The following MAP4K4 variants were observed in gnomAD, a reference collection of about 807,000 sequenced individuals.
The protein encoded by MAP4K4 is HPK/GCK-like kinase HGK.
A neutral mutation model predicts 189.6 loss-of-function variants in MAP4K4; 38 were observed. That is an observed-to-expected ratio of 0.20 (90% CI 0.15 to 0.26). MAP4K4 has a LOEUF of 0.26. MAP4K4 is among the 10% of genes least tolerant of loss of function. The pLI, the probability that MAP4K4 is intolerant of heterozygous loss-of-function variation, is 1.00. For synonymous variants in MAP4K4, 610 were observed against 624.3 expected, an observed-to-expected ratio of 0.98 and a Z score of 0.34; for missense variants, 1,054 against 1,726.9, an observed-to-expected ratio of 0.61 and a Z score of 6.91.
At chr2:101,701,326 G>C (rs2038573360) in intron 2 of MAP4K4, among the ~76,000 whole-genome samples, 1 of 152,118 alleles carries the variant, frequency 6.6e-6, no homozygotes, top group African/African-American at 2.4e-5. Flanking sequence ...CTGTGCTAAT[G>C]GTAGACCCCT....
chr2:101,812,703 A>G (rs1027047773), intron 3 of MAP4K4, among the ~76,000 whole-genome samples: 37 of 152,196 alleles, frequency 2.4e-4, no homozygotes, highest in African/African-American at 8.4e-4. Flanking sequence ...ATTGCCATAC[A>G]GTGTGCTTAT....
chr2:101,840,985 TAACTC>T (rs939132523), intron 10 of MAP4K4, among the ~76,000 whole-genome samples: 7 of 152,240 alleles, frequency 4.6e-5, no homozygotes, highest in African/African-American at 1.4e-4. Flanking sequence ...TTTTTTTCCT[TAACTC>T]AATTGACATG....
intron 3 of MAP4K4, among the ~76,000 whole-genome samples, chr2:101,811,820 C>T (rs1374444514): frequency 6.6e-6 from 1 of 152,120 alleles, no homozygotes; most frequent in Non-Finnish European, 1.5e-5. Flanking sequence ...TTTTGGGTAA[C>T]AGCAGATGGT....
At chr2:101,864,051 G>A (rs747760516) in exon 17 of MAP4K4, 4 of 1,352,826 alleles carry the variant, frequency 3.0e-6, no homozygotes. Flanking sequence ...TGCCTCCAAG[G>A]GTAAGGAGCA....
intron 3 of MAP4K4, among the ~76,000 whole-genome samples, chr2:101,818,364 G>C (rs1248428359): frequency 6.6e-6 from 1 of 152,154 alleles, no homozygotes; most frequent in African/African-American, 2.4e-5. Context: ...TTAACAGTCA[G>C]TCGCCTTTTT....
At chr2:101,717,187 G>A (rs959678738) in intron 2 of MAP4K4, among the ~76,000 whole-genome samples, 1 of 152,154 alleles carries the variant, frequency 6.6e-6, no homozygotes, top group Non-Finnish European at 1.5e-5. Context: ...CACTCTACCT[G>A]CTTTTCTTAG....
intron 3 of MAP4K4, among the ~76,000 whole-genome samples, chr2:101,814,851 G>A (rs1277315482): frequency 6.6e-6 from 1 of 152,190 alleles, no homozygotes; most frequent in Non-Finnish European, 1.5e-5. Flanking sequence ...AGAAGCGAAA[G>A]TGGAGGAGAC....
intron 2 of MAP4K4, among the ~76,000 whole-genome samples, chr2:101,777,454 C>T (rs537422416): frequency 2.6e-5 from 4 of 152,312 alleles, no homozygotes; most frequent in African/African-American, 9.6e-5. Flanking sequence ...TCGGTGCCGG[C>T]TCATGGTTTT....
chr2:101,875,106 C>T (rs2098162774), intron 26 of MAP4K4, among the ~76,000 whole-genome samples: 1 of 152,082 alleles, frequency 6.6e-6, no homozygotes. Flanking sequence ...AAAATAGAAC[C>T]TTTGAAATGG....
intron 1 of MAP4K4, 64 bp from the exon 2 acceptor site, chr2:101,698,409 T>G: frequency 7.1e-7 from 1 of 1,417,474 alleles, no homozygotes; most frequent in South Asian, 1.1e-5. Flanking sequence ...CCAACTGCCT[T>G]GCTTGATTTA....
intron 3 of MAP4K4, among the ~76,000 whole-genome samples, chr2:101,796,447 G>T (rs1006376617): frequency 2.6e-5 from 4 of 152,162 alleles, no homozygotes; most frequent in Non-Finnish European, 4.4e-5. Context: ...GCTCAGAGAC[G>T]CTAATAACTT....
At chr2:101,738,885 G>C (rs1327378753) in intron 2 of MAP4K4, among the ~76,000 whole-genome samples, 1 of 152,042 alleles carries the variant, frequency 6.6e-6, no homozygotes, top group Non-Finnish European at 1.5e-5. Context: ...TTTCAAATTA[G>C]GGTTGATTGT....
intron 2 of MAP4K4, among the ~76,000 whole-genome samples, chr2:101,726,949 C>T (rs996457642): frequency 6.6e-6 from 1 of 152,128 alleles, no homozygotes; most frequent in Non-Finnish European, 1.5e-5. Flanking sequence ...TCTGCAGAGT[C>T]CTGGTGCAGG....
intron 2 of MAP4K4, among the ~76,000 whole-genome samples, chr2:101,756,225 G>A (rs2072697506): frequency 2.6e-5 from 4 of 152,060 alleles, no homozygotes; most frequent in South Asian, 2.1e-4. Context: ...ATTAACAGGC[G>A]TGAGCCACTG....
At chr2:101,744,428 G>A (rs1262420430) in intron 2 of MAP4K4, among the ~76,000 whole-genome samples, 1 of 152,164 alleles carries the variant, frequency 6.6e-6, no homozygotes, top group African/African-American at 2.4e-5. Context: ...AATGGCTCTC[G>A]AAGTCCGACA....
intron 3 of MAP4K4, among the ~76,000 whole-genome samples, chr2:101,815,478 C>G (rs1196257060): frequency 6.6e-6 from 1 of 152,086 alleles, no homozygotes; most frequent in Non-Finnish European, 1.5e-5. Context: ...TCTGTGAATT[C>G]TGTGATCAGT....
chr2:101,703,614 T>C, intron 2 of MAP4K4, among the ~76,000 whole-genome samples: 2 of 81,088 alleles, frequency 2.5e-5, no homozygotes, highest in Non-Finnish European at 2.1e-5. Context: ...TGAGACTCTG[T>C]CTCAAAAAAA....
At chr2:101,843,843 C>T (rs143209899) in intron 11 of MAP4K4, among the ~76,000 whole-genome samples, 2 of 152,098 alleles carry the variant, frequency 1.3e-5, no homozygotes, top group Admixed American at 6.5e-5. Context: ...TGAATTGTTA[C>T]GCGAATCCTA....
chr2:101,864,107 T>C, intron 17 of MAP4K4, 56 bp downstream of exon 17: 3 of 1,027,712 alleles, frequency 2.9e-6, no homozygotes, highest in Non-Finnish European at 3.9e-6. Flanking sequence ...TATTTTTTTT[T>C]AAAGATTATT....
Sources: gnomAD v4.1 joint callset for allele counts (sites outside exome capture counted in the v4.1 genomes callset) on GRCh38, gnomAD v4.1.1 for gene constraint, MANE v1.5 for transcripts, NCBI Gene and HGNC (gene_info 2026-07-23, HGNC 2026-07-21) for gene names.